Variants in UBR2 observed in about 807,000 individuals in gnomAD.
The protein encoded by UBR2 is E3 ubiquitin-protein ligase UBR2.
UBR2 carries 92 observed loss-of-function variants against 247.9 expected under a neutral mutation model. The observed-to-expected ratio is 0.37, with a 90% CI of 0.31 to 0.44. The LOEUF (loss-of-function observed/expected upper bound fraction) is 0.44. UBR2 is among the 20% of genes least tolerant of loss of function. The pLI, the probability that UBR2 is intolerant of heterozygous loss-of-function variation, is 1.00. For synonymous variants in UBR2, 672 were observed against 693.5 expected (o/e 0.97, Z 0.49); for missense variants, 1,613 against 2,112.6 (o/e 0.76, Z 4.64).
Position 42,594,263 on chromosome 6 carries a change from C to A in UBR2, c.490C>A (p.Gln164Lys). 3 of 1,612,068 alleles carry A rather than the reference C, an allele frequency of 1.9e-6. No individual in the cohort carries two copies. Among genetic ancestry groups the A allele is most frequent in the Non-Finnish European group, 2.5e-6 (3 of 1,178,690 alleles). ...TEAWKEGPYC[Q>K]KHELNTSEIE... ...AGCCTGGAAAGAGGGTCCTTACTGT[C>A]AAAAACATGAACTTAACACCTCTGA... Residue 164 changes from glutamine (Q) to lysine (K), a missense_variant, in exon 4 of 47, where the codon CAA (glutamine) becomes AAA (lysine). By Grantham distance (53) the Gln-to-Lys change is moderately conservative. Transcript: ENST00000372901.
At position 42,592,245 on chromosome 6, in the gene UBR2, A is replaced by G; in HGVS notation, c.417+16A>G. Reference sequence around the variant, plus strand: ...TCGATATAGGGTTAGTAATGTCCAAATAATAACCATGCGCAGTATTGCATT... The same window carrying G: ...TCGATATAGGGTTAGTAATGTCCAAGTAATAACCATGCGCAGTATTGCATT... On this transcript the variant is annotated intron_variant, in intron 3 of 46. Transcript: ENST00000372901. 1 of 1,518,312 alleles carries G rather than the reference A, an allele frequency of 6.6e-7. No homozygotes were observed. The highest frequency in any genetic ancestry group is 8.8e-7 in the Non-Finnish European group (1 of 1,130,966). The allele number at this position is 1,518,312 out of a possible 1,614,324, so 94.1% of individuals were successfully genotyped here.
At chr6:42,653,813 C>T (rs951177213) in intron 25 of UBR2, among the ~76,000 whole-genome samples, 1 of 151,894 alleles carries the variant, frequency 6.6e-6, no homozygotes, top group Non-Finnish European at 1.5e-5. Flanking sequence ...GACAGGGTTT[C>T]ACCACGTTGG....
rs1259739363 is a variant in UBR2 at position 42,644,309 on chromosome 6, AAGATTT to A, written c.2196_2201del (p.Arg732_Phe733del). The A allele has an allele frequency of 3.7e-6, 6 of 1,613,492 alleles. No homozygotes were observed. Among genetic ancestry groups the A allele is most frequent in the Non-Finnish European group, 5.1e-6 (6 of 1,179,878 alleles). On this transcript the variant is annotated inframe_deletion, in exon 19 of 47. Coordinates refer to ENST00000372901, the MANE Select transcript of UBR2 (RefSeq NM_001363705.2). ...TTTTCAGTACTCCAGACTATGGAAA[AAGATTT>A]AGTTCTGAGATTACCCATAAGGTAA...
chr6:42,632,948 T>C (rs775100339), intron 13 of UBR2, 44 bp downstream of exon 13: 4 of 1,127,416 alleles, frequency 3.5e-6, no homozygotes, highest in Non-Finnish European at 4.8e-6. Flanking sequence ...TTTTTTTTTT[T>C]CTCTTTTCTC....
At chr6:42,565,421 G>A (rs1790724244) in intron 1 of UBR2, among the ~76,000 whole-genome samples, 1 of 152,158 alleles carries the variant, frequency 6.6e-6, no homozygotes, top group South Asian at 2.1e-4. Flanking sequence ...TGGAGCTGTT[G>A]GTCAGTGAGT....
chr6:42,627,111 G>A (rs1262937016), intron 11 of UBR2, among the ~76,000 whole-genome samples: 1 of 152,090 alleles, frequency 6.6e-6, no homozygotes, highest in African/African-American at 2.4e-5. Flanking sequence ...TGGAGGGCAG[G>A]GGGCTAGGAA....
At chr6:42,672,505 C>A (rs935610678) in intron 36 of UBR2, among the ~76,000 whole-genome samples, 6 of 152,050 alleles carry the variant, frequency 3.9e-5, no homozygotes, top group African/African-American at 1.4e-4. Context: ...ATTAGAGGGG[C>A]TCCTCAAAAG....
intron 43 of UBR2, 100 bp downstream of exon 43, chr6:42,683,211 A>G (rs1196117071): frequency 3.2e-6 from 3 of 951,790 alleles, no homozygotes; most frequent in Non-Finnish European, 4.8e-6. Context: ...TCAAGCCTTT[A>G]GTGATTCCAA....
At chr6:42,622,184 A>G (rs894197416) in intron 11 of UBR2, among the ~76,000 whole-genome samples, 16 of 151,448 alleles carry the variant, frequency 1.1e-4, no homozygotes, top group African/African-American at 3.9e-4. Context: ...ACGCCTGGCT[A>G]ATTTTTGTAT....
intron 17 of UBR2, 79 bp from the exon 18 acceptor site, chr6:42,642,337 C>T: frequency 2.1e-6 from 2 of 950,796 alleles, no homozygotes; most frequent in Non-Finnish European, 3.3e-6. Flanking sequence ...CTTGTACAAA[C>T]TTGTGCTTTT....
chr6:42,644,078 G>GGGATTGGTGAACCTTTTA, intron 18 of UBR2, 136 bp from the exon 19 acceptor site: 1 of 820,100 alleles, frequency 1.2e-6, no homozygotes, highest in Non-Finnish European at 1.9e-6. Context: ...ATCTTTTATT[G>GGGATTGGTGAACCTTTTA]GGATTGGTGA....
chr6:42,658,342 A>T (rs770332415), intron 28 of UBR2, 22 bp downstream of exon 28: 2 of 1,588,670 alleles, frequency 1.3e-6, no homozygotes, highest in South Asian at 2.3e-5. Flanking sequence ...AAAAAGTGTG[A>T]TAATACTAAA....
chr6:42,644,489 A>G lies in UBR2; in HGVS notation c.2237A>G (p.Asn746Ser), dbSNP rs993931543. ...EITHKDVVQQ[N>S]NTLIEEMLYL... ...TTGTTATAGGATGTTGTTCAGCAGA[A>G]CAATACTCTAATAGAAGAAATGCTA... Residue 746 changes from asparagine to serine, a missense_variant, in exon 20 of 47, where the codon AAC becomes AGC. Physicochemically the swap from Asn to Ser is conservative, Grantham distance 46. Transcript: ENST00000372901. 4.3e-6 allele frequency: 7 copies of G among 1,611,976 alleles called. No homozygotes were observed. In the African/African-American group the frequency reaches 8.0e-5, roughly 18 times the overall value.
chr6:42,663,077 T>A (rs995587175), intron 31 of UBR2, among the ~76,000 whole-genome samples, 181 bp from the exon 32 acceptor site: 1 of 152,216 alleles, frequency 6.6e-6, no homozygotes, highest in African/African-American at 2.4e-5. Flanking sequence ...TTTACTCTTT[T>A]AGAACTTTTA....
intron 2 of UBR2, among the ~76,000 whole-genome samples, chr6:42,586,670 T>A (rs1160340183): frequency 6.6e-6 from 1 of 151,800 alleles, no homozygotes; most frequent in Non-Finnish European, 1.5e-5. Flanking sequence ...TCACATTTTT[T>A]AAAATGGTAA....
At chr6:42,574,673 C>T (rs1397405793) in intron 2 of UBR2, among the ~76,000 whole-genome samples, 1 of 150,480 alleles carries the variant, frequency 6.6e-6, no homozygotes, top group Non-Finnish European at 1.5e-5. Flanking sequence ...AACATTTTCC[C>T]ATATATCATT....
At chr6:42,634,181 C>G in intron 13 of UBR2, 1 of 208,900 alleles carries the variant, frequency 4.8e-6, no homozygotes, top group South Asian at 5.3e-5. Context: ...GTTTCTTTTT[C>G]TCTCCTTCAT....
chr6:42,632,764 A>G (rs748532810), intron 12 of UBR2, 41 bp from the exon 13 acceptor site: 55 of 1,587,876 alleles, frequency 3.5e-5, no homozygotes, highest in African/African-American at 4.1e-5. Context: ...TAGAAAGTCA[A>G]TGTTTATGTT....
intron 1 of UBR2, among the ~76,000 whole-genome samples, chr6:42,566,056 A>G (rs888700970): frequency 6.6e-6 from 1 of 152,044 alleles, no homozygotes; most frequent in South Asian, 2.1e-4. Flanking sequence ...CTTCTAATTG[A>G]TATCTGTTGC....
Sources: gnomAD v4.1 joint callset for allele counts (sites outside exome capture counted in the v4.1 genomes callset) on GRCh38, gnomAD v4.1.1 for gene constraint, MANE v1.5 for transcripts, NCBI Gene and HGNC (gene_info 2026-07-23, HGNC 2026-07-21) for gene names.